Variants in RASGRF1 observed in about 807,000 individuals in gnomAD.
The protein encoded by RASGRF1 is Ras protein specific guanine nucleotide releasing factor 1.
RASGRF1 carries 40 observed loss-of-function variants against 138.7 expected under a neutral mutation model. The ratio of observed to expected loss-of-function variants is 0.29; its 90% CI spans 0.22 to 0.38. The LOEUF is 0.38. Among genes scored for constraint, RASGRF1 ranks in the 10% least tolerant of loss-of-function variants. The probability of loss-of-function intolerance (pLI) is 1.00; values close to 1 mark genes in which losing one functional copy is unlikely to be tolerated. For missense variants in RASGRF1, 1,108 were observed against 1,650.4 expected, an observed-to-expected ratio of 0.67 and a Z score of 5.69; for synonymous variants, 614 against 663.2, an observed-to-expected ratio of 0.93 and a Z score of 1.14.
chr15:79,035,398 C>T (rs1425075624), intron 5 of RASGRF1, among the ~76,000 whole-genome samples, 188 bp from the exon 6 acceptor site: 1 of 152,246 alleles, frequency 6.6e-6, no homozygotes, highest in Non-Finnish European at 1.5e-5. Flanking sequence ...AATGAGAATG[C>T]AGGCCCCTGG....
rs1277035067 is a variant in RASGRF1 at position 79,004,719 on chromosome 15, TC to T, written c.2076-545del. ...GGGAAGCTGAAAGTGGCCCCTACCATCCTCATGACAGGGTTCCACCTCAGGC... is the reference window on the plus strand; with the variant it reads ...GGGAAGCTGAAAGTGGCCCCTACCATCTCATGACAGGGTTCCACCTCAGGC... On this transcript the variant is annotated intron_variant, in intron 14 of 26. Coordinates refer to ENST00000558480, the MANE Select transcript of RASGRF1 (RefSeq NM_001145648.3). 8 of 985,712 alleles carry T rather than the reference TC, an allele frequency of 8.1e-6. No homozygotes were observed. The African/African-American group carries it at 1.0e-4, about 13-fold the overall frequency. 61.1% of individuals were successfully genotyped at this position (985,712 alleles called of 1,614,324 possible).
chr15:79,082,119 A>G (rs939358695), intron 1 of RASGRF1, among the ~76,000 whole-genome samples: 1 of 152,016 alleles, frequency 6.6e-6, no homozygotes, highest in African/African-American at 2.4e-5. Flanking sequence ...TTTTAGAAAG[A>G]TTTTTCTGGC....
At chr15:79,019,066 G>GGT (rs1201405657) in intron 11 of RASGRF1, among the ~76,000 whole-genome samples, 1 of 147,452 alleles carries the variant, frequency 6.8e-6, no homozygotes, top group Non-Finnish European at 1.5e-5. Flanking sequence ...TGTGCATGAG[G>GGT]GCGTGTGTGT....
At chr15:79,018,548 G>A (rs1184191406) in intron 11 of RASGRF1, among the ~76,000 whole-genome samples, 4 of 152,158 alleles carry the variant, frequency 2.6e-5, no homozygotes, top group Non-Finnish European at 5.9e-5. Flanking sequence ...GGTGTAAAGG[G>A]CCTGCTTTGG....
At chr15:78,969,512 T>C (rs2055708838) in intron 26 of RASGRF1, among the ~76,000 whole-genome samples, 1 of 152,000 alleles carries the variant, frequency 6.6e-6, no homozygotes. Flanking sequence ...CTACTAAACG[T>C]ACAAAAATTA....
rs375211558 is a variant in RASGRF1, at chr15:79,017,894, C to T, written c.1619G>A (p.Gly540Asp). ...AAAATCCAAGTGATCTATGTCTTGG[C>T]CGGATCCTTTGGCTTCCAGTTGTAA... ...ESTEEEAKGS[G>D]QDIDHLDFKI... Residue 540 changes from glycine (G) to aspartate (D), a missense_variant, in exon 12 of 27, where the codon GGC becomes GAC. Transcript: ENST00000558480. 1 of 1,612,518 alleles carries T rather than the reference C, an allele frequency of 6.2e-7. No individual in the cohort carries two copies. The highest frequency in any genetic ancestry group is 8.5e-7 in the Non-Finnish European group (1 of 1,179,578).
chr15:79,043,980 C>G (rs1310058991), intron 5 of RASGRF1, among the ~76,000 whole-genome samples: 2 of 152,230 alleles, frequency 1.3e-5, no homozygotes, highest in South Asian at 2.1e-4. Flanking sequence ...TATCCAGCCC[C>G]CTACAAGGCA....
At chr15:79,061,118 C>T (rs1468017176) in intron 2 of RASGRF1, among the ~76,000 whole-genome samples, 1 of 152,124 alleles carries the variant, frequency 6.6e-6, no homozygotes, top group Non-Finnish European at 1.5e-5. Flanking sequence ...CCCCCTCCTC[C>T]CCTTCTTAGC....
intron 5 of RASGRF1, among the ~76,000 whole-genome samples, chr15:79,037,520 G>A (rs13380192): frequency 0.023 from 3,529 of 151,860 alleles, 124 homozygotes; most frequent in African/African-American, 0.081. Flanking sequence ...ATGCCATGGC[G>A]CGATCTCGGC....
In RASGRF1 at chr15:79,006,044, G is replaced by T; in HGVS notation, c.2075+142C>A. On this transcript the variant is annotated intron_variant, in intron 14 of 26. Coordinates refer to ENST00000558480, the MANE Select transcript of RASGRF1 (RefSeq NM_001145648.3). The surrounding 1 kb of genome is among the most constrained non-coding windows in gnomAD (Gnocchi z 4.0). ...TTCCTGGGGAGAGGGGGCAGTGGCG[G>T]TGTGTGTCCCGCAGCACCCCAACAC... 4 of 1,229,534 alleles carry T rather than the reference G, an allele frequency of 3.3e-6. No individual in the cohort carries two copies. Among genetic ancestry groups the T allele is most frequent in the Non-Finnish European group, 4.5e-6 (4 of 887,670 alleles). 76.2% of individuals were successfully genotyped at this position (1,229,534 alleles called of 1,614,324 possible).
Position 79,032,712 on chromosome 15 carries a change from C to T in RASGRF1, c.959-396G>A, listed in dbSNP as rs1032296132. Among the ~76,000 whole-genome samples the T allele has an allele frequency of 2.0e-5, 3 of 152,188 alleles. No homozygotes were observed. Among genetic ancestry groups the T allele is most frequent in the Admixed American group, 6.5e-5 (1 of 15,290 alleles). The stretch of plus-strand genomic sequence containing the variant: ...CATTGCCCTCAGCTGGAGGAAGCTG[C>T]CTTGCCTGGTCTGTCCTCCTGCTTC... On this transcript the variant is annotated intron_variant, in intron 6 of 26. Coordinates refer to ENST00000558480, the MANE Select transcript of RASGRF1 (RefSeq NM_001145648.3). The surrounding 1 kb of genome is among the most constrained non-coding windows in gnomAD (Gnocchi z 4.5).
intron 16 of RASGRF1, among the ~76,000 whole-genome samples, chr15:79,000,502 G>A (rs2056499124): frequency 6.6e-6 from 1 of 152,120 alleles, no homozygotes; most frequent in African/African-American, 2.4e-5. Flanking sequence ...GCTTCAAAAG[G>A]TGGATATAAA....
intron 17 of RASGRF1, among the ~76,000 whole-genome samples, chr15:78,999,503 G>A (rs1326113393): frequency 1.3e-5 from 2 of 152,136 alleles, no homozygotes; most frequent in Admixed American, 6.5e-5. Context: ...ACCTCCACAA[G>A]TGGAAGGCGG....
At chr15:79,047,356 C>T (rs2057369285) in intron 4 of RASGRF1, among the ~76,000 whole-genome samples, 1 of 152,158 alleles carries the variant, frequency 6.6e-6, no homozygotes, top group African/African-American at 2.4e-5. Context: ...CCCTGGGTTG[C>T]TTTGGAAGCA....
rs918412133 is a variant in RASGRF1 at position 79,006,876 on chromosome 15, G to A, written c.1827-442C>T. On this transcript the variant is annotated intron_variant, in intron 13 of 26. Coordinates refer to ENST00000558480, the MANE Select transcript of RASGRF1 (RefSeq NM_001145648.3). This position sits in a 1 kb window ranked among gnomAD's most constrained non-coding sequence, Gnocchi z 4.0. ...AAAATACAAAAGTTAGCTAGGTGTG[G>A]TGGCCCATACCTGTAATACCAGTTA... Among the ~76,000 whole-genome samples, 1 of 152,124 alleles carries A rather than the reference G, an allele frequency of 6.6e-6. No homozygotes were observed. The highest frequency in any genetic ancestry group is 2.4e-5 in the African/African-American group (1 of 41,422).
In RASGRF1 at chr15:79,004,151, A is replaced by G. The variant is rs200369969; in HGVS notation, c.2100T>C (p.Ser700=). ...CGTACAGGAGCTTATTGTTCTGGCC[A>G]CTGGCAAACAGGAGCTCCAGCGACC... ...PARSLELLFA[S]GQNNKLLYGE... Residue 700 remains serine, a synonymous_variant, in exon 15 of 27, where the codon AGT becomes AGC. Transcript: ENST00000558480. 77 of 1,591,842 alleles carry G rather than the reference A, an allele frequency of 4.8e-5. No homozygotes were observed. Among genetic ancestry groups the G allele is most frequent in the Non-Finnish European group, 8.6e-6 (10 of 1,165,766 alleles).
chr15:79,027,090 C>G lies in RASGRF1; in HGVS notation c.1381+651G>C, dbSNP rs1423353092. Among the ~76,000 whole-genome samples the G allele has an allele frequency of 6.6e-6, 1 of 152,180 alleles. No individual in the cohort carries two copies. Among genetic ancestry groups the G allele is most frequent in the Non-Finnish European group, 1.5e-5 (1 of 68,032 alleles). On this transcript the variant is annotated intron_variant, in intron 9 of 26. Coordinates refer to ENST00000558480, the MANE Select transcript of RASGRF1 (RefSeq NM_001145648.3). The surrounding 1 kb of genome is among the most constrained non-coding windows in gnomAD (Gnocchi z 4.8). The stretch of plus-strand genomic sequence containing the variant: ...GGAGGTCACCTGTGAGGCATGCCAG[C>G]AGGAGCTGAGTCTCCCACAAAACAT...
intron 2 of RASGRF1, among the ~76,000 whole-genome samples, chr15:79,060,862 A>ATGCACCGTTGCACAGTTGCCC (rs374890773): frequency 0.011 from 1,636 of 152,210 alleles, 28 homozygotes; most frequent in African/African-American, 0.038. Flanking sequence ...CCTGCCTGGC[A>ATGCACCGTTGCACAGTTGCCC]TGCACCGTTG....
intron 1 of RASGRF1, among the ~76,000 whole-genome samples, chr15:79,068,177 G>A (rs1298099903): frequency 1.3e-5 from 2 of 152,178 alleles, no homozygotes; most frequent in African/African-American, 4.8e-5. Flanking sequence ...GCTTGGAGGT[G>A]GGTGTGAGGT....
Sources: gnomAD v4.1 joint callset for allele counts (sites outside exome capture counted in the v4.1 genomes callset) on GRCh38, gnomAD v4.1.1 for gene constraint, Gnocchi (gnomAD v3.1) non-coding constraint, MANE v1.5 for transcripts, NCBI Gene and HGNC (gene_info 2026-07-23, HGNC 2026-07-21) for gene names.